The following TP63 variants were observed in gnomAD, a reference collection of about 807,000 sequenced individuals.
TP63 encodes the protein tumor protein p63, also known as tumor protein 63.
Under a neutral mutation model 82.8 loss-of-function variants are expected in TP63, and 17 were observed. That is an observed-to-expected ratio of 0.21 (90% CI 0.14 to 0.31). The LOEUF (loss-of-function observed/expected upper bound fraction) is 0.31, where lower values mean the gene tolerates loss of function less well. Among genes scored for constraint, TP63 ranks in the 10% least tolerant of loss-of-function variants. The pLI, the probability that TP63 is intolerant of heterozygous loss-of-function variation, is 1.00. For missense variants in TP63, 648 were observed against 895.3 expected, an observed-to-expected ratio of 0.72 and a Z score of 3.52; for synonymous variants, 330 against 321.7, an observed-to-expected ratio of 1.03 and a Z score of -0.28.
intron 4 of TP63, among the ~76,000 whole-genome samples, chr3:189,857,651 T>C (rs1560265990): frequency 6.6e-6 from 1 of 152,050 alleles, no homozygotes; most frequent in Non-Finnish European, 1.5e-5. Flanking sequence ...AAAAGCAACC[T>C]AACTGACAAA....
chr3:189,742,292 G>GTAT (rs1239834891), intron 3 of TP63, among the ~76,000 whole-genome samples: 2 of 141,674 alleles, frequency 1.4e-5, no homozygotes, highest in East Asian at 2.1e-4. Context: ...TCCCATCTTT[G>GTAT]TATTATTCAT....
At chr3:189,804,604 T>A (rs532463087) in intron 3 of TP63, among the ~76,000 whole-genome samples, 8 of 152,334 alleles carry the variant, frequency 5.3e-5, no homozygotes, top group African/African-American at 1.9e-4. Context: ...TTTCTTTAAA[T>A]CAAAGGAATA....
intron 4 of TP63, among the ~76,000 whole-genome samples, chr3:189,846,922 C>A (rs1034350154): frequency 5.3e-5 from 8 of 151,302 alleles, no homozygotes; most frequent in African/African-American, 1.9e-4. Flanking sequence ...ACCTTGTGAT[C>A]CACCCACCTC....
chr3:189,741,703 A>AT (rs1194513348), intron 3 of TP63, among the ~76,000 whole-genome samples: 1 of 152,200 alleles, frequency 6.6e-6, no homozygotes, highest in Non-Finnish European at 1.5e-5. Context: ...AGTTTTACTG[A>AT]TTTTTTGATA....
chr3:189,755,694 C>T (rs913124657), intron 3 of TP63, among the ~76,000 whole-genome samples: 3 of 152,036 alleles, frequency 2.0e-5, no homozygotes, highest in African/African-American at 7.2e-5. Context: ...TCTAACCAAA[C>T]TTCTTTTCAT....
At chr3:189,645,291 C>A (rs986798254) in intron 1 of TP63, 2 of 446,862 alleles carry the variant, frequency 4.5e-6, no homozygotes, top group South Asian at 3.7e-5. Flanking sequence ...ACCCTTTGGT[C>A]TCTTGAACTG....
At chr3:189,799,188 G>A (rs1446767582) in intron 3 of TP63, among the ~76,000 whole-genome samples, 2 of 151,962 alleles carry the variant, frequency 1.3e-5, no homozygotes, top group Non-Finnish European at 2.9e-5. Context: ...TTGCAAGAAA[G>A]GATTTATAAG....
chr3:189,835,694 C>T (rs1434557236), intron 4 of TP63, among the ~76,000 whole-genome samples: 1 of 151,816 alleles, frequency 6.6e-6, no homozygotes, highest in Non-Finnish European at 1.5e-5. Flanking sequence ...GAGACCGAGG[C>T]AGGTGGTCAG....
At chr3:189,632,240 G>A (rs1236792051) in intron 1 of TP63, among the ~76,000 whole-genome samples, 1 of 152,126 alleles carries the variant, frequency 6.6e-6, no homozygotes, top group Non-Finnish European at 1.5e-5. Context: ...CAGTCATAAA[G>A]TTATGGGAGA....
At chr3:189,737,384 C>A (rs1158197962) in intron 1 of TP63, among the ~76,000 whole-genome samples, 1 of 152,066 alleles carries the variant, frequency 6.6e-6, no homozygotes, top group Non-Finnish European at 1.5e-5. Flanking sequence ...AATGATAGGT[C>A]AGGCTTGCTA....
intron 1 of TP63, among the ~76,000 whole-genome samples, chr3:189,713,553 C>A (rs1718750123): frequency 1.3e-5 from 2 of 152,260 alleles, no homozygotes; most frequent in South Asian, 4.1e-4. Context: ...TCAAGCTTCA[C>A]ATCTCCCAAA....
rs1163361611 is a variant in TP63, at chr3:189,895,638, A to G, written c.*1136A>G. On this transcript the variant is annotated 3_prime_UTR_variant, in exon 14 of 14. Transcript: ENST00000264731. Reference sequence around the variant, plus strand: ...AAACAGTAAGATATCTCAATGAACCATAAATTCAACTTTGTAAAAATCTTT... The same window carrying G: ...AAACAGTAAGATATCTCAATGAACCGTAAATTCAACTTTGTAAAAATCTTT... 2 of 226,646 alleles carry G rather than the reference A, an allele frequency of 8.8e-6. No individual in the cohort carries two copies. Among genetic ancestry groups the G allele is most frequent in the African/African-American group, 4.4e-5 (2 of 45,034 alleles). 14.0% of individuals were successfully genotyped at this position (226,646 alleles called of 1,614,324 possible). A position where few individuals can be genotyped will look rare whatever the true frequency, so the allele number is the denominator to read the frequency against.
chr3:189,866,814 C>T lies in TP63; in HGVS notation c.882+17C>T. 6.2e-7 allele frequency: 1 copy of T among 1,610,532 alleles called. No homozygotes were observed. On this transcript the variant is annotated intron_variant, in intron 6 of 13. Coordinates refer to ENST00000264731, the MANE Select transcript of TP63 (RefSeq NM_003722.5). ...CCACCCCAGGTAAAAAGCAAAAAAC[C>T]AAACCAAAAAACAACACCTCTATGG...
intron 10 of TP63, among the ~76,000 whole-genome samples, chr3:189,875,589 CATACATATATATATATATATAT>C (rs1553859566): frequency 0.16 from 7,224 of 44,464 alleles, 1,011 homozygotes; most frequent in Middle Eastern, 0.28. Context: ...AAAAAAAATA[CATACATATATATATATATATAT>C]ATATATATAT....
chr3:189,798,418 AT>A (rs1024213975), intron 3 of TP63, among the ~76,000 whole-genome samples: 1 of 152,082 alleles, frequency 6.6e-6, no homozygotes, highest in Non-Finnish European at 1.5e-5. Flanking sequence ...AGGGCAGATG[AT>A]TTGTTTGGTA....
chr3:189,672,904 G>A (rs916999487), intron 1 of TP63, among the ~76,000 whole-genome samples: 3 of 152,098 alleles, frequency 2.0e-5, no homozygotes, highest in East Asian at 1.9e-4. Context: ...AGAATACCAC[G>A]ATCTTGGCTT....
In TP63 at chr3:189,833,037, T is replaced by C. The variant is rs111559253; in HGVS notation, c.579+24511T>C. On this transcript the variant is annotated intron_variant, in intron 4 of 13. Transcript: ENST00000264731. ...AGGTGAGACTGGATCTTCCCTTGTA[T>C]CTTATTGATAGAGAGTAAATCGAAT... 7.9e-4 allele frequency among the ~76,000 whole-genome samples: 121 copies of C among 152,366 alleles called. 1 individual carries two copies. Among genetic ancestry groups the C allele is most frequent in the African/African-American group, 2.8e-3 (115 of 41,586 alleles).
At position 189,701,522 on chromosome 3, in the gene TP63, C is replaced by CATATATATAT. The variant is rs35031313; in HGVS notation, c.63-36203_63-36194dup. ...TCAGTAATGTGAGGAGATATATATACATATATATATATATATATATATATG... is the reference window on the plus strand; with the variant it reads ...TCAGTAATGTGAGGAGATATATATACATATATATATATATATATATATATATATATATATG... On this transcript the variant is annotated intron_variant, in intron 1 of 13. Transcript: ENST00000264731. 6.2e-3 allele frequency among the ~76,000 whole-genome samples: 851 copies of CATATATATAT among 136,700 alleles called. 9 individuals carry two copies. The highest frequency in any genetic ancestry group is 0.02 in the African/African-American group (769 of 38,000). The allele number at this position is 136,700 out of a possible 152,430, so 89.7% of individuals were successfully genotyped here.
intron 1 of TP63, among the ~76,000 whole-genome samples, chr3:189,672,199 GA>G (rs1033953008): frequency 1.3e-5 from 2 of 151,720 alleles, no homozygotes; most frequent in African/African-American, 2.4e-5. Flanking sequence ...AACATAAAAG[GA>G]AAAAAATAGG....
Sources: gnomAD v4.1 joint callset for allele counts (sites outside exome capture counted in the v4.1 genomes callset) on GRCh38, gnomAD v4.1.1 for gene constraint, MANE v1.5 for transcripts, NCBI Gene and HGNC (gene_info 2026-07-23, HGNC 2026-07-21) for gene names.